C12orf56: variants seen among roughly 807,000 people sequenced by gnomAD.
The protein encoded by C12orf56 is uncharacterized protein C12orf56.
A neutral mutation model predicts 69.9 loss-of-function variants in C12orf56; 71 were observed. The observed-to-expected ratio is 1.02, with a 90% CI of 0.84 to 1.24. The LOEUF (loss-of-function observed/expected upper bound fraction) is 1.24, where lower values mean the gene tolerates loss of function less well. Ranked by LOEUF, C12orf56 falls within the 50% of genes most tolerant of loss-of-function variation. The pLI, the probability that C12orf56 is intolerant of heterozygous loss-of-function variation, is 0.00. For missense variants in C12orf56, 732 were observed against 738.5 expected, an observed-to-expected ratio of 0.99 and a Z score of 0.10; for synonymous variants, 276 against 274.1, an observed-to-expected ratio of 1.01 and a Z score of -0.07.
intron 5 of C12orf56, among the ~76,000 whole-genome samples, chr12:64,309,106 T>C (rs1366148689): frequency 6.6e-6 from 1 of 152,218 alleles, no homozygotes; most frequent in Non-Finnish European, 1.5e-5. Flanking sequence ...CACACATATA[T>C]ACTTTTTAAA....
At chr12:64,319,057 A>G in intron 3 of C12orf56, 77 bp from the exon 4 acceptor site, 1 of 1,284,320 alleles carries the variant, frequency 7.8e-7, no homozygotes, top group East Asian at 2.6e-5. Flanking sequence ...GTAGTTTAAG[A>G]CTGAACACAA....
intron 1 of C12orf56, among the ~76,000 whole-genome samples, chr12:64,354,830 G>A (rs560648044): frequency 6.8e-6 from 1 of 147,716 alleles, no homozygotes; most frequent in East Asian, 2.1e-4. Flanking sequence ...TGTAATCCCA[G>A]AGCTTTGGGA....
intron 11 of C12orf56, among the ~76,000 whole-genome samples, chr12:64,271,595 T>C (rs1395125808): frequency 6.6e-6 from 1 of 152,192 alleles, no homozygotes; most frequent in African/African-American, 2.4e-5. Context: ...TGTTGCCTTT[T>C]CTATTGTAAT....
chr12:64,343,755 T>C (rs2039104838), intron 2 of C12orf56, among the ~76,000 whole-genome samples: 1 of 152,248 alleles, frequency 6.6e-6, no homozygotes, highest in Admixed American at 6.5e-5. Context: ...AAGTCCTTGA[T>C]GGTAGCACTA....
chr12:64,383,317 AAACC>A (rs2039745585), intron 1 of C12orf56, among the ~76,000 whole-genome samples: 1 of 152,010 alleles, frequency 6.6e-6, no homozygotes, highest in African/African-American at 2.4e-5. Flanking sequence ...AAAAAAAAAA[AAACC>A]AAGAAAAACC....
At position 64,296,051 on chromosome 12, in the gene C12orf56, G is replaced by A. The variant is rs114153469; in HGVS notation, c.1113+7584C>T. Among the ~76,000 whole-genome samples, 221 of 152,288 alleles carry A rather than the reference G, an allele frequency of 1.5e-3. 2 individuals are homozygous for A. Among genetic ancestry groups the A allele is most frequent in the African/African-American group, 5.1e-3 (210 of 41,570 alleles). Reference sequence around the variant, plus strand: ...ATTTCCAGAGGAGACTGGCATGTGAGTTGGAGAACTGAGTGGTTCTGTCTC... The same window carrying A: ...ATTTCCAGAGGAGACTGGCATGTGAATTGGAGAACTGAGTGGTTCTGTCTC... On this transcript the variant is annotated intron_variant, in intron 6 of 12. Coordinates refer to ENST00000543942, the MANE Select transcript of C12orf56 (RefSeq NM_001170633.2).
chr12:64,319,547 C>A (rs1266123105), intron 3 of C12orf56, among the ~76,000 whole-genome samples: 1 of 152,076 alleles, frequency 6.6e-6, no homozygotes, highest in African/African-American at 2.4e-5. Context: ...AGGCATGTGC[C>A]ACTATGCCCA....
intron 1 of C12orf56, among the ~76,000 whole-genome samples, chr12:64,363,523 G>A (rs2039425069): frequency 6.6e-6 from 1 of 152,140 alleles, no homozygotes; most frequent in East Asian, 1.9e-4. Flanking sequence ...ACACGCTAGG[G>A]GCCCCTTTGC....
At chr12:64,377,714 T>C (rs1192438439) in intron 1 of C12orf56, among the ~76,000 whole-genome samples, 2 of 152,214 alleles carry the variant, frequency 1.3e-5, no homozygotes, top group Non-Finnish European at 2.9e-5. Flanking sequence ...GTTGATTATC[T>C]AGTTTCTGAT....
chr12:64,312,087 G>T (rs1238580211), intron 5 of C12orf56, among the ~76,000 whole-genome samples: 1 of 152,182 alleles, frequency 6.6e-6, no homozygotes, highest in Non-Finnish European at 1.5e-5. Context: ...TCTGGCTGAG[G>T]TGATCTAGGG....
At chr12:64,359,961 C>T (rs1357712327) in intron 1 of C12orf56, among the ~76,000 whole-genome samples, 2 of 152,018 alleles carry the variant, frequency 1.3e-5, no homozygotes, top group Non-Finnish European at 1.5e-5. Flanking sequence ...GTGATCCGCC[C>T]ACCTTGGCCT....
intron 1 of C12orf56, among the ~76,000 whole-genome samples, chr12:64,365,417 A>C (rs892387570): frequency 6.6e-6 from 1 of 151,402 alleles, no homozygotes. Context: ...TGCCCTCCTC[A>C]GTCTCCCAAA....
chr12:64,314,190 G>C (rs2038660571), intron 4 of C12orf56, among the ~76,000 whole-genome samples: 2 of 151,526 alleles, frequency 1.3e-5, no homozygotes, highest in Non-Finnish European at 2.9e-5. Context: ...AGCTCAAGCA[G>C]TCCTCCTGCC....
chr12:64,385,614 C>A (rs2039778491), intron 1 of C12orf56, among the ~76,000 whole-genome samples: 1 of 152,098 alleles, frequency 6.6e-6, no homozygotes, highest in South Asian at 2.1e-4. Flanking sequence ...CTCATCTGAT[C>A]TTGTGGCCCC....
chr12:64,340,732 C>G (rs1229880865), intron 2 of C12orf56, among the ~76,000 whole-genome samples: 1 of 152,194 alleles, frequency 6.6e-6, no homozygotes, highest in Non-Finnish European at 1.5e-5. Flanking sequence ...AATTACAGTC[C>G]TTGTTTCTGC....
Position 64,352,998 on chromosome 12 carries a change from C to G in C12orf56, c.311G>C (p.Arg104Pro), listed in dbSNP as rs200867013. The G allele has an allele frequency of 1.9e-6, 3 of 1,612,230 alleles. No homozygotes were observed. The highest frequency in any genetic ancestry group is 2.7e-5 in the African/African-American group (2 of 74,774). ...CAAAACGGTTGAAGAATAGATGATACGAATGTGTTGGCTGATTTCTCTATC... is the reference window on the plus strand; with the variant it reads ...CAAAACGGTTGAAGAATAGATGATAGGAATGTGTTGGCTGATTTCTCTATC... ...SPDREISQHI[R>P]IIYSSTVLKK... The change falls in exon 2 of 13, where the codon CGT becomes CCT. Residue 104 changes from arginine to proline, a missense_variant. Transcript: ENST00000543942.
chr12:64,383,815 C>T (rs755726279), intron 1 of C12orf56, among the ~76,000 whole-genome samples: 2 of 152,146 alleles, frequency 1.3e-5, no homozygotes, highest in Non-Finnish European at 2.9e-5. Context: ...CCCATTCAAC[C>T]AGTACACATT....
intron 12 of C12orf56, 64 bp downstream of exon 12, chr12:64,270,472 G>A (rs1277452959): frequency 7.7e-7 from 1 of 1,301,162 alleles, no homozygotes; most frequent in East Asian, 2.6e-5. Flanking sequence ...CATGTTGCAG[G>A]TTTGCATGAA....
rs182902895 is a variant in C12orf56 at position 64,352,835 on chromosome 12, A to C, written c.415+59T>G. The C allele has an allele frequency of 4.3e-4, 589 of 1,369,622 alleles. 5 individuals are homozygous for C. The East Asian group carries it at 0.012, about 29-fold the overall frequency. 84.8% of individuals were successfully genotyped at this position (1,369,622 alleles called of 1,614,324 possible). ...AAAATATCCTGCATCAATTTTAAGA[A>C]ATATATATATATACTTTTTTTTTTG... is the stretch of plus-strand genomic sequence containing the variant. On this transcript the variant is annotated intron_variant, in intron 2 of 12. Transcript: ENST00000543942.
Sources: gnomAD v4.1 joint callset for allele counts (sites outside exome capture counted in the v4.1 genomes callset) on GRCh38, gnomAD v4.1.1 for gene constraint, MANE v1.5 for transcripts, NCBI Gene and HGNC (gene_info 2026-07-23, HGNC 2026-07-21) for gene names.